CAMTA1: variants seen among roughly 807,000 people sequenced by gnomAD.
The protein encoded by CAMTA1 is calmodulin-binding transcription activator 1.
In CAMTA1, 27 loss-of-function variants were observed where a neutral mutation model predicts 170.9. The ratio of observed to expected loss-of-function variants is 0.16; its 90% CI spans 0.12 to 0.22. The LOEUF (loss-of-function observed/expected upper bound fraction) is 0.22. Ranked by LOEUF, CAMTA1 falls within the 10% of genes least tolerant of loss-of-function variation. The pLI is 1.00. For synonymous variants in CAMTA1, 833 were observed against 891.5 expected (o/e 0.93, Z 1.17); for missense variants, 1,619 against 2,217.2 (o/e 0.73, Z 5.42).
intron 4 of CAMTA1, among the ~76,000 whole-genome samples, chr1:7,155,284 G>A (rs1349529508): frequency 6.6e-6 from 1 of 151,814 alleles, no homozygotes; most frequent in Non-Finnish European, 1.5e-5. Flanking sequence ...TCAAAGCCTC[G>A]TCATGCCGGG....
chr1:7,381,590 T>C (rs1455128295), intron 5 of CAMTA1, among the ~76,000 whole-genome samples: 3 of 151,674 alleles, frequency 2.0e-5, no homozygotes, highest in African/African-American at 7.3e-5. Context: ...GTCTTTGCTA[T>C]TGTGAATAGT....
At chr1:6,873,607 C>T (rs974669946) in intron 3 of CAMTA1, among the ~76,000 whole-genome samples, 9 of 152,208 alleles carry the variant, frequency 5.9e-5, no homozygotes, top group African/African-American at 2.2e-4. Context: ...AGTCCAGTAG[C>T]AGCTGAAGAG....
At chr1:7,311,058 T>C (rs377508668) in intron 5 of CAMTA1, among the ~76,000 whole-genome samples, 1 of 152,200 alleles carries the variant, frequency 6.6e-6, no homozygotes, top group African/African-American at 2.4e-5. Flanking sequence ...TTGTCTTTAG[T>C]TTTCAGTTTG....
intron 3 of CAMTA1, among the ~76,000 whole-genome samples, chr1:6,990,163 A>T (rs1648900956): frequency 6.6e-6 from 1 of 152,198 alleles, no homozygotes. Context: ...GAGAGTGGAT[A>T]TTGGTAGGTC....
chr1:7,205,994 C>T (rs1657666179), intron 4 of CAMTA1, among the ~76,000 whole-genome samples: 1 of 152,144 alleles, frequency 6.6e-6, no homozygotes, highest in African/African-American at 2.4e-5. Context: ...TTAGAGGCCA[C>T]CTTTATCGTA....
chr1:7,006,894 G>T (rs148396934), intron 3 of CAMTA1, among the ~76,000 whole-genome samples: 1 of 151,572 alleles, frequency 6.6e-6, no homozygotes, highest in African/African-American at 2.4e-5. Context: ...TTTTTTTCCC[G>T]GTTGGAGGAC....
intron 5 of CAMTA1, among the ~76,000 whole-genome samples, chr1:7,337,245 C>T (rs1044213875): frequency 1.9e-4 from 29 of 152,334 alleles, no homozygotes; most frequent in Middle Eastern, 3.4e-3. Context: ...GTCCACCCGA[C>T]TGCCACATCG....
At chr1:6,879,508 C>T (rs1490766363) in intron 3 of CAMTA1, among the ~76,000 whole-genome samples, 6 of 152,250 alleles carry the variant, frequency 3.9e-5, no homozygotes, top group Admixed American at 6.5e-5. Context: ...GAATTTGAAC[C>T]GGACTATGAA....
intron 6 of CAMTA1, among the ~76,000 whole-genome samples, chr1:7,540,268 G>A (rs72865437): frequency 0.017 from 2,610 of 152,260 alleles, 62 homozygotes; most frequent in African/African-American, 0.057. Context: ...TGGAAGACAC[G>A]TAGGAATTCC....
At chr1:7,329,325 T>A (rs1053246744) in intron 5 of CAMTA1, among the ~76,000 whole-genome samples, 1 of 152,212 alleles carries the variant, frequency 6.6e-6, no homozygotes, top group African/African-American at 2.4e-5. Flanking sequence ...TTTTGACCAA[T>A]TAAGATGTTG....
chr1:7,388,625 T>G (rs2088303378), intron 5 of CAMTA1: 1 of 152,512 alleles, frequency 6.6e-6, no homozygotes, highest in Non-Finnish European at 1.5e-5. Context: ...GTTGCTCTCT[T>G]TGGCCCTGGT....
intron 5 of CAMTA1, among the ~76,000 whole-genome samples, chr1:7,330,525 A>G (rs917687287): frequency 1.3e-5 from 2 of 152,126 alleles, no homozygotes; most frequent in African/African-American, 4.8e-5. Flanking sequence ...AACCAGGAGC[A>G]CCCACATGTA....
intron 6 of CAMTA1, among the ~76,000 whole-genome samples, chr1:7,487,091 G>A (rs2093628544): frequency 6.6e-6 from 1 of 152,230 alleles, no homozygotes; most frequent in Non-Finnish European, 1.5e-5. Context: ...TGCTCAATGA[G>A]CACAGATGCT....
chr1:7,311,117 T>C (rs1435699956), intron 5 of CAMTA1, among the ~76,000 whole-genome samples: 1 of 152,226 alleles, frequency 6.6e-6, no homozygotes, highest in Non-Finnish European at 1.5e-5. Context: ...TTGTTTGGAG[T>C]TCACTGAGCA....
At chr1:7,036,817 G>T (rs1703663168) in intron 3 of CAMTA1, among the ~76,000 whole-genome samples, 1 of 152,164 alleles carries the variant, frequency 6.6e-6, no homozygotes, top group African/African-American at 2.4e-5. Flanking sequence ...CATATTATTA[G>T]GTATCACTAC....
intron 4 of CAMTA1, among the ~76,000 whole-genome samples, chr1:7,246,556 G>A (rs750700919): frequency 6.6e-6 from 1 of 151,358 alleles, no homozygotes; most frequent in Non-Finnish European, 1.5e-5. Flanking sequence ...CATGAAGTGT[G>A]TTAAAGCCCT....
chr1:7,433,083 T>TAC (rs1407137715), intron 5 of CAMTA1, among the ~76,000 whole-genome samples: 2 of 152,108 alleles, frequency 1.3e-5, no homozygotes, highest in African/African-American at 4.8e-5. Flanking sequence ...GGCTGAAGGG[T>TAC]ACTTGGTCCC....
intron 5 of CAMTA1, among the ~76,000 whole-genome samples, chr1:7,331,992 C>T (rs1425409202): frequency 6.6e-6 from 1 of 152,172 alleles, no homozygotes; most frequent in Non-Finnish European, 1.5e-5. Flanking sequence ...AGATTGGCTT[C>T]CCCCACAACA....
chr1:7,247,363 T>C (rs1052332984), intron 4 of CAMTA1, among the ~76,000 whole-genome samples: 2 of 152,216 alleles, frequency 1.3e-5, no homozygotes, highest in Admixed American at 1.3e-4. Flanking sequence ...TCTCTGTGGG[T>C]CATACCACTT....
Sources: gnomAD v4.1 joint callset for allele counts (sites outside exome capture counted in the v4.1 genomes callset) on GRCh38, gnomAD v4.1.1 for gene constraint, MANE v1.5 for transcripts, NCBI Gene and HGNC (gene_info 2026-07-23, HGNC 2026-07-21) for gene names.